CNBD1: variants seen among roughly 807,000 people sequenced by gnomAD.
CNBD1 encodes cyclic nucleotide binding domain containing 1, also known as cyclic nucleotide-binding domain-containing protein 1.
In CNBD1, 71 loss-of-function variants were observed where a neutral mutation model predicts 54.4. The observed-to-expected ratio is 1.30, with a 90% CI of 1.08 to 1.59. CNBD1 has a LOEUF of 1.59. CNBD1 is among the 40% of genes most tolerant of loss of function. The pLI is 0.00. For missense variants in CNBD1, 659 were observed against 518.0 expected (o/e 1.27, Z -2.64); for synonymous variants, 182 against 170.7 (o/e 1.07, Z -0.51).
At chr8:87,107,435 C>A (rs1175206790) in intron 4 of CNBD1, among the ~76,000 whole-genome samples, 1 of 152,150 alleles carries the variant, frequency 6.6e-6, no homozygotes, top group Non-Finnish European at 1.5e-5. Context: ...TTCTTTAGGT[C>A]TCATCTTAAA....
At chr8:87,223,978 TTC>T (rs1814412406) in intron 5 of CNBD1, among the ~76,000 whole-genome samples, 1 of 152,202 alleles carries the variant, frequency 6.6e-6, no homozygotes, top group African/African-American at 2.4e-5. Context: ...TGATTTGCAT[TTC>T]TCTGATGGCC....
At chr8:87,363,049 T>A (rs1278094594) in intron 10 of CNBD1, among the ~76,000 whole-genome samples, 1 of 152,026 alleles carries the variant, frequency 6.6e-6, no homozygotes, top group Admixed American at 6.6e-5. Flanking sequence ...TTCCCCTCCC[T>A]GTGTCCATGT....
At chr8:87,368,686 G>T (rs1332013966) in intron 10 of CNBD1, among the ~76,000 whole-genome samples, 2 of 151,912 alleles carry the variant, frequency 1.3e-5, no homozygotes, top group Non-Finnish European at 2.9e-5. Flanking sequence ...GAAAGAGAAA[G>T]ATAGCACCTG....
chr8:87,223,737 A>T (rs1383260379), intron 5 of CNBD1, among the ~76,000 whole-genome samples: 1 of 152,068 alleles, frequency 6.6e-6, no homozygotes, highest in African/African-American at 2.4e-5. Context: ...CATGATTCAT[A>T]GTCCTTTGGG....
chr8:87,024,062 C>T (rs951454742), intron 4 of CNBD1, among the ~76,000 whole-genome samples: 3 of 151,274 alleles, frequency 2.0e-5, no homozygotes, highest in African/African-American at 7.3e-5. Flanking sequence ...ACGGTGAAAC[C>T]CCGTCTCTAC....
At chr8:87,278,796 T>G (rs1808534028) in intron 6 of CNBD1, among the ~76,000 whole-genome samples, 1 of 151,466 alleles carries the variant, frequency 6.6e-6, no homozygotes, top group South Asian at 2.1e-4. Flanking sequence ...TCAATATTAT[T>G]CCTTGTGAAG....
intron 8 of CNBD1, among the ~76,000 whole-genome samples, chr8:87,308,378 C>T (rs1809199492): frequency 6.6e-6 from 1 of 152,170 alleles, no homozygotes; most frequent in Non-Finnish European, 1.5e-5. Flanking sequence ...AATATTCCTG[C>T]AGCTCTCAGA....
chr8:86,947,951 A>G (rs1449429195), intron 4 of CNBD1, among the ~76,000 whole-genome samples: 2 of 151,948 alleles, frequency 1.3e-5, no homozygotes, highest in African/African-American at 4.8e-5. Context: ...TCTACACTCT[A>G]TGTTCATGAG....
At chr8:87,315,176 G>A (rs777145054) in intron 8 of CNBD1, among the ~76,000 whole-genome samples, 5 of 152,052 alleles carry the variant, frequency 3.3e-5, no homozygotes, top group African/African-American at 7.2e-5. Context: ...TTTAAAGAGA[G>A]TAGGGAAAAT....
intron 4 of CNBD1, among the ~76,000 whole-genome samples, chr8:87,105,001 T>A (rs1420385971): frequency 6.6e-6 from 1 of 152,218 alleles, no homozygotes; most frequent in Non-Finnish European, 1.5e-5. Context: ...TATATAGTTT[T>A]TTATGTTAGA....
At chr8:87,108,342 T>C (rs1811584103) in intron 4 of CNBD1, among the ~76,000 whole-genome samples, 1 of 152,308 alleles carries the variant, frequency 6.6e-6, no homozygotes, top group African/African-American at 2.4e-5. Flanking sequence ...AATAGGGATC[T>C]GAAGTCAAAT....
rs140545083 is a variant in CNBD1 at position 86,879,404 on chromosome 8, G to T, written c.89-8138G>T. Among the ~76,000 whole-genome samples, 809 of 152,290 alleles carry T rather than the reference G, an allele frequency of 5.3e-3. 5 individuals carry two copies. Among genetic ancestry groups the T allele is most frequent in the Non-Finnish European group, 8.2e-3 (555 of 68,014 alleles). On this transcript the variant is annotated intron_variant, in intron 1 of 10. Coordinates refer to ENST00000518476, the MANE Select transcript of CNBD1 (RefSeq NM_173538.3). The stretch of plus-strand genomic sequence containing the variant: ...GGTGCTGTAAGAGCACAATGGAAAA[G>T]ACATTTACCTTTTTCTATGGAAGAC...
chr8:87,013,582 C>G (rs895995707), intron 4 of CNBD1, among the ~76,000 whole-genome samples: 1 of 151,254 alleles, frequency 6.6e-6, no homozygotes, highest in African/African-American at 2.4e-5. Context: ...ATAATAATAA[C>G]CGCTGTTTGG....
intron 4 of CNBD1, among the ~76,000 whole-genome samples, chr8:87,106,328 C>G (rs1182437669): frequency 1.1e-4 from 16 of 152,050 alleles, no homozygotes; most frequent in Admixed American, 1.0e-3. Flanking sequence ...ATTCTCATGT[C>G]TCAGCCACCG....
chr8:87,371,557 T>C (rs907528447), intron 10 of CNBD1, among the ~76,000 whole-genome samples: 4 of 151,990 alleles, frequency 2.6e-5, no homozygotes, highest in Non-Finnish European at 2.9e-5. Context: ...TAGACCAATA[T>C]CCTTGATTAA....
At chr8:87,289,441 C>T (rs4576440) in intron 8 of CNBD1, among the ~76,000 whole-genome samples, 55,609 of 151,940 alleles carry the variant, frequency 0.37, 11,399 homozygotes, top group Non-Finnish European at 0.47. Flanking sequence ...ATGTGGCCAA[C>T]TTGAAAGCGA....
intron 4 of CNBD1, among the ~76,000 whole-genome samples, chr8:87,119,271 T>C (rs1811843444): frequency 6.6e-6 from 1 of 152,100 alleles, no homozygotes; most frequent in South Asian, 2.1e-4. Context: ...ATCACTTTTC[T>C]GTAGTTTTTC....
At chr8:87,245,621 G>A (rs1807786321) in intron 6 of CNBD1, among the ~76,000 whole-genome samples, 1 of 151,876 alleles carries the variant, frequency 6.6e-6, no homozygotes, top group African/African-American at 2.4e-5. Flanking sequence ...TTAAAAAAAA[G>A]TGTTATATTT....
At chr8:87,296,110 A>G (rs1808871031) in intron 8 of CNBD1, among the ~76,000 whole-genome samples, 1 of 152,152 alleles carries the variant, frequency 6.6e-6, no homozygotes, top group Non-Finnish European at 1.5e-5. Flanking sequence ...AGCAAAATAA[A>G]TAGGTACAAT....
Sources: gnomAD v4.1 joint callset for allele counts (sites outside exome capture counted in the v4.1 genomes callset) on GRCh38, gnomAD v4.1.1 for gene constraint, MANE v1.5 for transcripts, NCBI Gene and HGNC (gene_info 2026-07-23, HGNC 2026-07-21) for gene names.